Variants in DDX31 observed in about 807,000 individuals in gnomAD.
The protein encoded by DDX31 is ATP-dependent DNA helicase DDX31.
A neutral mutation model predicts 91.3 loss-of-function variants in DDX31; 70 were observed. The ratio of observed to expected loss-of-function variants is 0.77; its 90% CI spans 0.63 to 0.94. The LOEUF (loss-of-function observed/expected upper bound fraction) is 0.94, where lower values mean the gene tolerates loss of function less well. Among genes scored for constraint, DDX31 ranks in the 40% least tolerant of loss-of-function variants. DDX31 has a pLI of 0.00. For synonymous variants in DDX31, 362 were observed against 350.6 expected (o/e 1.03, Z -0.36); for missense variants, 902 against 925.0 (o/e 0.98, Z 0.32).
In DDX31 at chr9:132,610,669, T is replaced by G. The variant is rs370100745; in HGVS notation, c.1994+1418A>C. Among the ~76,000 whole-genome samples, 6 of 152,192 alleles carry G rather than the reference T, an allele frequency of 3.9e-5. No individual in the cohort carries two copies. In the East Asian group the frequency reaches 5.8e-4, roughly 15 times the overall value. The stretch of plus-strand genomic sequence containing the variant: ...TTTCTGTAGAGACAGGGTCTCGCTA[T>G]GTTGCCCAGGCTAGTCTCTAACTCC... On this transcript the variant is annotated intron_variant, in intron 19 of 19. Coordinates refer to ENST00000372159, the MANE Select transcript of DDX31 (RefSeq NM_022779.9).
At chr9:132,647,614 C>A (rs919405058) in intron 11 of DDX31, among the ~76,000 whole-genome samples, 1 of 152,080 alleles carries the variant, frequency 6.6e-6, no homozygotes, top group Non-Finnish European at 1.5e-5. Flanking sequence ...TCAAGGAAAC[C>A]AGACAGAAAA....
chr9:132,629,803 G>C (rs893395815), intron 16 of DDX31, among the ~76,000 whole-genome samples: 3 of 152,242 alleles, frequency 2.0e-5, no homozygotes, highest in African/African-American at 7.2e-5. Flanking sequence ...TGTGAGTGTA[G>C]TGTGGATTTC....
chr9:132,640,623 A>G (rs1449292878), intron 14 of DDX31, among the ~76,000 whole-genome samples: 1 of 152,024 alleles, frequency 6.6e-6, no homozygotes, highest in Non-Finnish European at 1.5e-5. Flanking sequence ...CAGCCTCCTG[A>G]GTAGTTGGAA....
rs755740169 is a variant in DDX31 at position 132,652,479 on chromosome 9, G to C, written c.602C>G (p.Pro201Arg). The C allele has an allele frequency of 2.5e-6, 4 of 1,614,114 alleles. No individual in the cohort carries two copies. The Admixed American group carries it at 5.0e-5, about 20-fold the overall frequency. The change falls in exon 7 of 20, where the codon CCC (proline) becomes CGC (arginine). Residue 201 changes from proline (P) to arginine (R), a missense_variant. Physicochemically the swap from Pro to Arg is moderately radical, Grantham distance 103. Transcript: ENST00000372159. ...MESKIQRSDG[P>R]YALVLVPTRE... is the part of the protein sequence containing the mutation. Reference sequence around the variant, plus strand: ...CGTTGGCACGAGCACCAGGGCATAGGGGCCATCACTGCGCTGTTGACACAC... The same window carrying C: ...CGTTGGCACGAGCACCAGGGCATAGCGGCCATCACTGCGCTGTTGACACAC...
chr9:132,602,584 T>C (rs909908669), intron 19 of DDX31, among the ~76,000 whole-genome samples: 2 of 152,190 alleles, frequency 1.3e-5, no homozygotes, highest in African/African-American at 4.8e-5. Flanking sequence ...CTTCCAGACC[T>C]AGAGGAAACT....
chr9:132,661,045 G>A, intron 4 of DDX31, 163 bp downstream of exon 4: 2 of 662,178 alleles, frequency 3.0e-6, no homozygotes, highest in East Asian at 2.7e-5. Context: ...TTTAACAGGT[G>A]GAGAGAATGA....
At chr9:132,604,808 G>C (rs1564277469) in intron 19 of DDX31, among the ~76,000 whole-genome samples, 1 of 152,138 alleles carries the variant, frequency 6.6e-6, no homozygotes, top group Non-Finnish European at 1.5e-5. Context: ...TTCCAGCAAG[G>C]CCTAGCAACC....
At chr9:132,635,455 C>CTTTTTTTT (rs981082655) in intron 14 of DDX31, among the ~76,000 whole-genome samples, 17 of 104,728 alleles carry the variant, frequency 1.6e-4, no homozygotes, top group East Asian at 3.6e-4. Flanking sequence ...ATGTACATAG[C>CTTTTTTTT]TTTTTTTTTT....
chr9:132,630,325 G>T lies in DDX31; in HGVS notation c.1570C>A (p.Leu524Met). The T allele has an allele frequency of 6.2e-7, 1 of 1,603,254 alleles. No homozygotes were observed. Among genetic ancestry groups the T allele is most frequent in the Non-Finnish European group, 8.5e-7 (1 of 1,171,102 alleles). The change falls in exon 16 of 20, where the codon CTG (leucine) becomes ATG (methionine). Residue 524 changes from leucine to methionine, a missense_variant. Transcript: ENST00000372159. ...TARIGCHGSS[L>M]LILAPSEAEY... ...GCCTCCGAAGGAGCCAAAATGAGCA[G>T]GCTGCTCCCATGGCAGCCAATCCGG...
At chr9:132,635,438 G>GATTCATAT in intron 14 of DDX31, among the ~76,000 whole-genome samples, 1 of 146,508 alleles carries the variant, frequency 6.8e-6, no homozygotes, top group East Asian at 2.1e-4. Flanking sequence ...TATCACAAAG[G>GATTCATAT]ATTCATATGT....
At chr9:132,663,203 A>G in intron 1 of DDX31, 1 of 1,289,370 alleles carries the variant, frequency 7.8e-7, no homozygotes, top group Non-Finnish European at 1.0e-6. Flanking sequence ...CGTGCCCAGG[A>G]AGCGGAAACA....
chr9:132,658,850 G>C, intron 5 of DDX31, 115 bp from the exon 6 acceptor site: 1 of 939,524 alleles, frequency 1.1e-6, no homozygotes, highest in Non-Finnish European at 1.6e-6. Flanking sequence ...AAATTCTAGG[G>C]AAAGGGAAAC....
intron 8 of DDX31, 25 bp from the exon 9 acceptor site, chr9:132,650,323 T>C (rs1453590992): frequency 6.2e-7 from 1 of 1,610,064 alleles, no homozygotes; most frequent in Non-Finnish European, 8.5e-7. Context: ...CAGACCACAG[T>C]CAGTGCAAAG....
At chr9:132,639,599 T>C (rs888369874) in intron 14 of DDX31, among the ~76,000 whole-genome samples, 7 of 152,238 alleles carry the variant, frequency 4.6e-5, no homozygotes, top group South Asian at 2.1e-4. Flanking sequence ...AGGAAAGTGA[T>C]TGTATGCTTT....
intron 19 of DDX31, among the ~76,000 whole-genome samples, chr9:132,604,127 C>G (rs1245095380): frequency 6.6e-6 from 1 of 152,184 alleles, no homozygotes; most frequent in Non-Finnish European, 1.5e-5. Context: ...AGGGGAAGGG[C>G]AGAACCCCCA....
chr9:132,611,153 G>T (rs908520441), intron 19 of DDX31, among the ~76,000 whole-genome samples: 1 of 152,148 alleles, frequency 6.6e-6, no homozygotes, highest in East Asian at 1.9e-4. Flanking sequence ...GTCAGTGGGG[G>T]AGCCTGCGGC....
chr9:132,617,608 C>T (rs1831727186), intron 18 of DDX31, among the ~76,000 whole-genome samples: 2 of 152,102 alleles, frequency 1.3e-5, no homozygotes, highest in Non-Finnish European at 2.9e-5. Flanking sequence ...TAGCAGGCAA[C>T]TAACAAAAAA....
At chr9:132,619,031 T>C (rs1271094886) in intron 17 of DDX31, among the ~76,000 whole-genome samples, 5 of 152,164 alleles carry the variant, frequency 3.3e-5, no homozygotes, top group Admixed American at 2.6e-4. Context: ...AAGGAGTGAG[T>C]GGGCTGTTCC....
At chr9:132,669,459 T>A in intron 1 of DDX31, 4 of 616,626 alleles carry the variant, frequency 6.5e-6, no homozygotes, top group Non-Finnish European at 2.5e-6. Context: ...CAGACAGGAA[T>A]GTGGGCAAGA....
Sources: allele counts gnomAD v4.1 joint callset (sites outside exome capture counted in the v4.1 genomes callset), GRCh38; gene constraint gnomAD v4.1.1; transcripts MANE v1.5; gene names NCBI Gene and HGNC (gene_info 2026-07-23, HGNC 2026-07-21).